Variants in HIF1A observed in about 807,000 individuals in gnomAD.
The protein encoded by HIF1A is hypoxia inducible factor 1 subunit alpha.
HIF1A carries 24 observed loss-of-function variants against 92.7 expected under a neutral mutation model. That is an observed-to-expected ratio of 0.26 (90% CI 0.19 to 0.36). HIF1A has a LOEUF of 0.36. Ranked by LOEUF, HIF1A falls within the 10% of genes least tolerant of loss-of-function variation. HIF1A has a pLI of 1.00. For synonymous variants in HIF1A, 319 were observed against 338.7 expected, an observed-to-expected ratio of 0.94 and a Z score of 0.64; for missense variants, 799 against 998.5, an observed-to-expected ratio of 0.80 and a Z score of 2.69.
intron 4 of HIF1A, among the ~76,000 whole-genome samples, chr14:61,725,683 G>T (rs759780984): frequency 3.3e-5 from 5 of 152,190 alleles, no homozygotes; most frequent in Non-Finnish European, 7.3e-5. Context: ...CCAAAGTGCT[G>T]GGATTACAGG....
At chr14:61,714,320 A>T (rs1207534571) in intron 1 of HIF1A, among the ~76,000 whole-genome samples, 1 of 152,228 alleles carries the variant, frequency 6.6e-6, no homozygotes, top group Non-Finnish European at 1.5e-5. Flanking sequence ...TCTTATGGAA[A>T]TGTGAGATGT....
chr14:61,722,953 T>C (rs2044451564), intron 4 of HIF1A, among the ~76,000 whole-genome samples: 1 of 152,224 alleles, frequency 6.6e-6, no homozygotes, highest in South Asian at 2.1e-4. Flanking sequence ...TCTAAGATTT[T>C]TGGAAAGTAC....
At position 61,720,233 on chromosome 14, in the gene HIF1A, A is replaced by C. The variant is rs550978755; in HGVS notation, c.36-149A>C. 32 of 561,098 alleles carry C rather than the reference A, an allele frequency of 5.7e-5. No individual in the cohort carries two copies. In the Middle Eastern group the frequency reaches 1.4e-3, roughly 25 times the overall value. The allele number at this position is 561,098 out of a possible 1,614,324, so 34.8% of individuals were successfully genotyped here. On this transcript the variant is annotated intron_variant, in intron 1 of 14. Transcript: ENST00000337138. ...TAGTTGCCCTTTATAAAAGTACATT[A>C]ATCTAGTAGACAAATCTCCATGTAA...
intron 8 of HIF1A, among the ~76,000 whole-genome samples, chr14:61,736,051 T>C (rs2044633375): frequency 6.6e-6 from 1 of 151,094 alleles, no homozygotes; most frequent in African/African-American, 2.4e-5. Flanking sequence ...AGTGGCGTGA[T>C]CTTGGCTCAC....
intron 4 of HIF1A, among the ~76,000 whole-genome samples, chr14:61,722,920 T>A (rs2140138905): frequency 6.6e-6 from 1 of 152,344 alleles, no homozygotes; most frequent in African/African-American, 2.4e-5. Context: ...ATACTGATCA[T>A]AATTATTTAA....
Position 61,748,008 on chromosome 14 carries a change from T to G in HIF1A, c.*923T>G, listed in dbSNP as rs2044815478. 1 of 152,610 alleles carries G rather than the reference T, an allele frequency of 6.6e-6. No homozygotes were observed. The highest frequency in any genetic ancestry group is 1.5e-5 in the Non-Finnish European group (1 of 67,986). 9.5% of individuals were successfully genotyped at this position (152,610 alleles called of 1,614,324 possible). On this transcript the variant is annotated 3_prime_UTR_variant, in exon 15 of 15. Coordinates refer to ENST00000337138, the MANE Select transcript of HIF1A (RefSeq NM_001530.4). ...GCATTCTTAGCAAAATTGCCTAGTA[T>G]GTTAATTTGCTCAAAATACAATGTT...
chr14:61,744,693 T>G lies in HIF1A; in HGVS notation c.2094-12T>G, dbSNP rs553739730. ...AACGCTATATTTTCATTTAGAATTTTTTTCTTTTCAGAACTACAGTTCCTG... is the reference window on the plus strand; with the variant it reads ...AACGCTATATTTTCATTTAGAATTTGTTTCTTTTCAGAACTACAGTTCCTG... On this transcript the variant is annotated splice_polypyrimidine_tract_variant and intron_variant, in intron 12 of 14. Coordinates refer to ENST00000337138, the MANE Select transcript of HIF1A (RefSeq NM_001530.4). 8.2e-7 allele frequency: 1 copy of G among 1,222,212 alleles called. No individual in the cohort carries two copies. The highest frequency in any genetic ancestry group is 1.3e-5 in the South Asian group (1 of 75,662). The allele number at this position is 1,222,212 out of a possible 1,614,324, so 75.7% of individuals were successfully genotyped here. A position where few individuals can be genotyped will look rare whatever the true frequency, so the allele number is the denominator to read the frequency against.
intron 1 of HIF1A, among the ~76,000 whole-genome samples, chr14:61,718,763 A>G (rs947697441): frequency 2.0e-5 from 3 of 152,204 alleles, no homozygotes; most frequent in African/African-American, 4.8e-5. Context: ...TCATATAACT[A>G]GTTTTAAGTG....
At chr14:61,742,560 C>G (rs979314544) in intron 12 of HIF1A, among the ~76,000 whole-genome samples, 1 of 152,112 alleles carries the variant, frequency 6.6e-6, no homozygotes, top group Non-Finnish European at 1.5e-5. Context: ...TAATACTTAG[C>G]TCATGACCTA....
Position 61,721,501 on chromosome 14 carries a change from CT to C in HIF1A, c.227-3del. ...CTAATTATTTTCCTCTTCTTGTGCC[CT>C]TTTTAGGTGATTTGGATATTGAAGA... On this transcript the variant is annotated splice_polypyrimidine_tract_variant and splice_region_variant and intron_variant, in intron 2 of 14. Transcript: ENST00000337138. 1.2e-6 allele frequency: 2 copies of C among 1,608,526 alleles called. No homozygotes were observed. Among genetic ancestry groups the C allele is most frequent in the Non-Finnish European group, 8.5e-7 (1 of 1,176,274 alleles).
Position 61,744,828 on chromosome 14 carries a change from T to A in HIF1A, c.2202+15T>A. ...CAGTAGGAATTGTAAGTATGAGTAGTAGGTTTTGCTTTTCTAGCTAATGTG... is the reference window on the plus strand; with the variant it reads ...CAGTAGGAATTGTAAGTATGAGTAGAAGGTTTTGCTTTTCTAGCTAATGTG... On this transcript the variant is annotated intron_variant, in intron 13 of 14. Coordinates refer to ENST00000337138, the MANE Select transcript of HIF1A (RefSeq NM_001530.4). 3.1e-6 allele frequency: 4 copies of A among 1,281,656 alleles called. No homozygotes were observed. The highest frequency in any genetic ancestry group is 4.5e-6 in the Non-Finnish European group (4 of 885,558). 79.4% of individuals were successfully genotyped at this position (1,281,656 alleles called of 1,614,324 possible).
At chr14:61,724,203 A>AT (rs1339934776) in intron 4 of HIF1A, among the ~76,000 whole-genome samples, 2 of 151,610 alleles carry the variant, frequency 1.3e-5, no homozygotes, top group African/African-American at 2.4e-5. Flanking sequence ...GCAGGTCCCC[A>AT]TTCAAAGGCC....
chr14:61,699,324 CTTTACT>C (rs2044151086), intron 1 of HIF1A, among the ~76,000 whole-genome samples: 1 of 152,146 alleles, frequency 6.6e-6, no homozygotes, highest in Admixed American at 6.5e-5. Flanking sequence ...CTTCCATTGT[CTTTACT>C]TTTAACGCCA....
intron 10 of HIF1A, chr14:61,740,085 T>TTTTTGG (rs3059959): frequency 7.0e-6 from 1 of 142,164 alleles, no homozygotes; most frequent in Admixed American, 7.2e-5. Flanking sequence ...TTTTTTTTTT[T>TTTTTGG]GACATGGAGT....
chr14:61,741,122 T>C lies in HIF1A; in HGVS notation c.2027T>C (p.Val676Ala). 10 of 1,613,240 alleles carry C rather than the reference T, an allele frequency of 6.2e-6. No homozygotes were observed. The highest frequency in any genetic ancestry group is 1.1e-5 in the South Asian group (1 of 90,876). The change falls in exon 12 of 15, where the codon GTC (valine) becomes GCC (alanine). Residue 676 changes from valine (V) to alanine (A), a missense_variant. Physicochemically the swap from Val to Ala is moderately conservative, Grantham distance 64 (BLOSUM62 0). Around this residue, in one of 2 missense-constraint regions of HIF1A, gnomAD observed 283 missense variants for 277.5 expected, o/e 1.02. Transcript: ENST00000337138. ...TCACCAAACAGAGCAGGAAAAGGAG[T>C]CATAGAACAGACAGAAAAATCTCAT... is the stretch of plus-strand genomic sequence containing the variant. ...TASPNRAGKG[V>A]IEQTEKSHPR... is the part of the protein sequence containing the mutation.
chr14:61,713,067 T>G (rs1280136388), intron 1 of HIF1A, among the ~76,000 whole-genome samples: 1 of 150,208 alleles, frequency 6.7e-6, no homozygotes, highest in Non-Finnish European at 1.5e-5. Flanking sequence ...GCAGAAGGAG[T>G]AGAGTAAGCA....
At chr14:61,705,579 T>C (rs556188519) in intron 1 of HIF1A, among the ~76,000 whole-genome samples, 47 of 152,292 alleles carry the variant, frequency 3.1e-4, no homozygotes, top group African/African-American at 1.1e-3. Flanking sequence ...ATTTCTTGAA[T>C]CTTTTAATTT....
chr14:61,746,392 C>CT (rs754879947), intron 14 of HIF1A, among the ~76,000 whole-genome samples: 10,680 of 48,894 alleles, frequency 0.22, 723 homozygotes, highest in East Asian at 0.4. Context: ...TTTATGACTT[C>CT]TTTTTTTTTT....
At chr14:61,698,218 G>T (rs1296539217) in intron 1 of HIF1A, among the ~76,000 whole-genome samples, 1 of 152,140 alleles carries the variant, frequency 6.6e-6, no homozygotes, top group Non-Finnish European at 1.5e-5. Flanking sequence ...AAGTCAAGAA[G>T]CTCTCTCATT....
Sources: gnomAD v4.1 joint callset for allele counts (sites outside exome capture counted in the v4.1 genomes callset) on GRCh38, gnomAD v4.1.1 for gene constraint, gnomAD v4.1.1 regional missense constraint, MANE v1.5 for transcripts, NCBI Gene and HGNC (gene_info 2026-07-23, HGNC 2026-07-21) for gene names.